TBC1D32: variants seen among roughly 807,000 people sequenced by gnomAD.
The protein encoded by TBC1D32 is protein broad-minded.
A neutral mutation model predicts 170.3 loss-of-function variants in TBC1D32; 151 were observed. The observed-to-expected ratio is 0.89, with a 90% CI of 0.78 to 1.01. TBC1D32 has a LOEUF of 1.01. Among genes scored for constraint, TBC1D32 ranks in the 50% least tolerant of loss-of-function variants. TBC1D32 has a pLI of 0.00. For missense variants in TBC1D32, 1,464 were observed against 1,457.1 expected (o/e 1.00, Z -0.08); for synonymous variants, 498 against 488.0 (o/e 1.02, Z -0.27).
intron 12 of TBC1D32, 85 bp downstream of exon 12, chr6:121,291,968 C>A: frequency 7.4e-7 from 1 of 1,352,304 alleles, no homozygotes; most frequent in South Asian, 1.7e-5. Flanking sequence ...TAGAAAGGAA[C>A]ATGCCAAATT....
At chr6:121,243,286 T>C (rs1439872568) in intron 17 of TBC1D32, among the ~76,000 whole-genome samples, 1 of 152,126 alleles carries the variant, frequency 6.6e-6, no homozygotes, top group Non-Finnish European at 1.5e-5. Flanking sequence ...CAAAATTTGC[T>C]ACTCAGAACA....
intron 1 of TBC1D32, among the ~76,000 whole-genome samples, chr6:121,330,281 A>G (rs2128516003): frequency 6.6e-6 from 1 of 152,200 alleles, no homozygotes; most frequent in Non-Finnish European, 1.5e-5. Context: ...TGATCTGCCC[A>G]CCTCGACTTC....
At chr6:121,213,444 T>G (rs560196294) in intron 21 of TBC1D32, among the ~76,000 whole-genome samples, 1 of 132,626 alleles carries the variant, frequency 7.5e-6, no homozygotes, top group African/African-American at 2.8e-5. Context: ...TTCAATCCTA[T>G]TCACAACTGC....
chr6:121,330,858 A>G (rs1811127046), intron 1 of TBC1D32, among the ~76,000 whole-genome samples: 1 of 152,100 alleles, frequency 6.6e-6, no homozygotes, highest in African/African-American at 2.4e-5. Context: ...TACACACATA[A>G]TGAAAGCAAC....
At chr6:121,304,111 TAAAA>T (rs36058595) in intron 8 of TBC1D32, among the ~76,000 whole-genome samples, 2 of 145,954 alleles carry the variant, frequency 1.4e-5, no homozygotes, top group African/African-American at 2.5e-5. Flanking sequence ...ACTGATACAT[TAAAA>T]AAAAAAAAAA....
intron 22 of TBC1D32, among the ~76,000 whole-genome samples, chr6:121,200,021 T>C (rs1284037373): frequency 1.3e-5 from 2 of 151,396 alleles, no homozygotes; most frequent in African/African-American, 2.4e-5. Context: ...TAAAACTTAC[T>C]GTTGGTGGGT....
intron 20 of TBC1D32, among the ~76,000 whole-genome samples, chr6:121,226,332 A>T (rs1466524203): frequency 1.3e-5 from 2 of 151,998 alleles, no homozygotes; most frequent in East Asian, 3.9e-4. Context: ...TAAGGATGAC[A>T]CTCTTCAGCA....
intron 12 of TBC1D32, among the ~76,000 whole-genome samples, chr6:121,286,559 C>T (rs1375802035): frequency 6.6e-6 from 1 of 152,030 alleles, no homozygotes; most frequent in Admixed American, 6.6e-5. Context: ...GAGAATGGAA[C>T]CAAGTTGGAA....
At chr6:121,100,845 C>A (rs1262547824) in intron 30 of TBC1D32, among the ~76,000 whole-genome samples, 1 of 151,024 alleles carries the variant, frequency 6.6e-6, no homozygotes, top group East Asian at 1.9e-4. Context: ...GCTAGCCAGA[C>A]TAATAAAGAA....
At chr6:121,245,877 G>A (rs886662768) in intron 17 of TBC1D32, among the ~76,000 whole-genome samples, 7 of 152,234 alleles carry the variant, frequency 4.6e-5, no homozygotes, top group Admixed American at 3.3e-4. Flanking sequence ...AGGCTGTAAG[G>A]TGGATAGATT....
chr6:121,118,696 C>G (rs759037810), intron 26 of TBC1D32, among the ~76,000 whole-genome samples: 7 of 152,172 alleles, frequency 4.6e-5, no homozygotes, highest in Admixed American at 3.3e-4. Flanking sequence ...CTAATGCCCT[C>G]CCTTACCTGT....
rs549328123 is a variant in TBC1D32, at chr6:121,194,136, T to C, written c.2570+10939A>G. On this transcript the variant is annotated intron_variant, in intron 22 of 31. Coordinates refer to ENST00000398212, the MANE Select transcript of TBC1D32 (RefSeq NM_152730.6). ...GTACTCCAGTTGAAGTAGTGGCTTA[T>C]GGAGGTCAGGTAATTAACGGAGTTT... 4.6e-4 allele frequency among the ~76,000 whole-genome samples: 70 copies of C among 152,284 alleles called. 1 individual carries two copies. Among genetic ancestry groups the C allele is most frequent in the Admixed American group, 3.3e-3 (50 of 15,288 alleles).
intron 17 of TBC1D32, among the ~76,000 whole-genome samples, chr6:121,244,626 C>T (rs1583371590): frequency 6.6e-6 from 1 of 152,144 alleles, no homozygotes; most frequent in Non-Finnish European, 1.5e-5. Context: ...TTATTTTCTA[C>T]TCACTTATTA....
chr6:121,213,505 AAAATAAAATAAAATAAAAT>A (rs1302838896), intron 21 of TBC1D32, among the ~76,000 whole-genome samples: 593 of 19,456 alleles, frequency 0.03, 43 homozygotes, highest in East Asian at 0.18. Flanking sequence ...AAAATAAAAT[AAAATAAAATAAAATAAAAT>A]AAATAAAATA....
intron 21 of TBC1D32, among the ~76,000 whole-genome samples, chr6:121,209,954 T>C (rs920633962): frequency 6.6e-6 from 1 of 152,176 alleles, no homozygotes; most frequent in Non-Finnish European, 1.5e-5. Flanking sequence ...TTCTACCTAA[T>C]ACAATACCAT....
chr6:121,168,712 T>TAAAAAAAAAAAAAAA (rs59283869), intron 22 of TBC1D32, among the ~76,000 whole-genome samples: 5 of 93,898 alleles, frequency 5.3e-5, no homozygotes, highest in African/African-American at 1.4e-4. Flanking sequence ...TAGAGTATAA[T>TAAAAAAAAAAAAAAA]AAAAAAAAAA....
chr6:121,188,149 A>G (rs1018016971), intron 22 of TBC1D32, among the ~76,000 whole-genome samples: 1 of 152,170 alleles, frequency 6.6e-6, no homozygotes, highest in Non-Finnish European at 1.5e-5. Context: ...AGATATTAAG[A>G]GTACCTACTT....
In TBC1D32 at chr6:121,242,217, T is replaced by C; in HGVS notation, c.2141A>G (p.Tyr714Cys). 1 of 1,611,846 alleles carries C rather than the reference T, an allele frequency of 6.2e-7. No homozygotes were observed. Among genetic ancestry groups the C allele is most frequent in the African/African-American group, 1.3e-5 (1 of 74,972 alleles). ...AATTCATACCTGTAATTTTTTTGCA[T>C]ATCGATTGAATATAAATGTCACACA... ...NECVTFIFNR[Y>C]AKKLQVSRHK... Residue 714 changes from tyrosine (Y) to cysteine (C), a missense_variant, in exon 18 of 32, where the codon TAT (tyrosine) becomes TGT (cysteine). Tyr to Cys is a radical substitution (Grantham distance 194). Transcript: ENST00000398212.
At chr6:121,160,702 A>T (rs1377167638) in intron 23 of TBC1D32, among the ~76,000 whole-genome samples, 1 of 152,218 alleles carries the variant, frequency 6.6e-6, no homozygotes. Context: ...TTTTTAATAA[A>T]ACAATACCTA....
Sources: gnomAD v4.1 joint callset for allele counts (sites outside exome capture counted in the v4.1 genomes callset) on GRCh38, gnomAD v4.1.1 for gene constraint, MANE v1.5 for transcripts, NCBI Gene and HGNC (gene_info 2026-07-23, HGNC 2026-07-21) for gene names.